Variants in ROBO2 observed in about 807,000 individuals in gnomAD.
ROBO2 encodes the protein roundabout homolog 2.
A neutral mutation model predicts 160.8 loss-of-function variants in ROBO2; 53 were observed. The observed-to-expected ratio is 0.33, with a 90% CI of 0.26 to 0.41. The LOEUF is 0.41. ROBO2 is among the 10% of genes least tolerant of loss of function. The probability of loss-of-function intolerance (pLI) is 1.00; values close to 1 mark genes in which losing one functional copy is unlikely to be tolerated. For missense variants in ROBO2, 1,577 were observed against 1,722.4 expected (o/e 0.92, Z 1.49); for synonymous variants, 664 against 611.7 (o/e 1.09, Z -1.26).
At chr3:76,084,708 A>C (rs2068950043) in intron 2 of ROBO2, among the ~76,000 whole-genome samples, 1 of 152,032 alleles carries the variant, frequency 6.6e-6, no homozygotes, top group Admixed American at 6.6e-5. Flanking sequence ...TGGATTTTTA[A>C]ATTATGGTGT....
At chr3:76,299,835 A>C (rs1317411381) in intron 2 of ROBO2, among the ~76,000 whole-genome samples, 2 of 152,130 alleles carry the variant, frequency 1.3e-5, no homozygotes, top group Non-Finnish European at 2.9e-5. Flanking sequence ...TGGGAGAAAA[A>C]GTGAGGATGT....
chr3:76,113,377 A>G (rs1251606525), intron 2 of ROBO2, among the ~76,000 whole-genome samples: 1 of 152,086 alleles, frequency 6.6e-6, no homozygotes, highest in Non-Finnish European at 1.5e-5. Flanking sequence ...AGCTGATTAT[A>G]CTGAGATTTT....
At chr3:76,111,800 G>A (rs1024362035) in intron 2 of ROBO2, among the ~76,000 whole-genome samples, 1 of 151,846 alleles carries the variant, frequency 6.6e-6, no homozygotes, top group African/African-American at 2.4e-5. Context: ...TGAGGGCAGC[G>A]ACTCTCTCTC....
At chr3:77,502,927 G>T (rs1262832555) in intron 5 of ROBO2, among the ~76,000 whole-genome samples, 2 of 152,098 alleles carry the variant, frequency 1.3e-5, no homozygotes, top group African/African-American at 4.8e-5. Context: ...CTAGAATGAT[G>T]AACTCTTCTA....
At chr3:76,759,596 T>C (rs184463143) in intron 2 of ROBO2, among the ~76,000 whole-genome samples, 2 of 151,790 alleles carry the variant, frequency 1.3e-5, no homozygotes, top group Non-Finnish European at 2.9e-5. Context: ...TGCAGAAACA[T>C]GAAAGGGATC....
At chr3:77,346,127 A>G (rs1466923823) in intron 2 of ROBO2, among the ~76,000 whole-genome samples, 2 of 152,140 alleles carry the variant, frequency 1.3e-5, no homozygotes, top group Non-Finnish European at 1.5e-5. Context: ...TGGCCCCATC[A>G]TTTAGGAGTA....
At chr3:76,577,744 T>G (rs1010977347) in intron 2 of ROBO2, among the ~76,000 whole-genome samples, 1 of 152,164 alleles carries the variant, frequency 6.6e-6, no homozygotes, top group African/African-American at 2.4e-5. Flanking sequence ...CTAGCATTTA[T>G]TTGGGTAATC....
At chr3:76,760,356 A>AT (rs1295385039) in intron 2 of ROBO2, among the ~76,000 whole-genome samples, 10 of 151,686 alleles carry the variant, frequency 6.6e-5, no homozygotes, top group Non-Finnish European at 1.3e-4. Flanking sequence ...TTAGCCTCTG[A>AT]TTTTTTTAAT....
intron 2 of ROBO2, among the ~76,000 whole-genome samples, chr3:77,338,741 A>G (rs2066750917): frequency 6.6e-6 from 1 of 152,192 alleles, no homozygotes; most frequent in Admixed American, 6.5e-5. Context: ...ATATTTAGGT[A>G]TAGGTCAAGA....
intron 2 of ROBO2, among the ~76,000 whole-genome samples, chr3:77,410,321 A>G (rs1008583915): frequency 1.2e-4 from 19 of 152,096 alleles, no homozygotes; most frequent in Non-Finnish European, 2.2e-4. Flanking sequence ...TATTATTATT[A>G]TTGTTTCTAA....
At chr3:76,208,347 T>G (rs1212750776) in intron 2 of ROBO2, among the ~76,000 whole-genome samples, 3 of 152,200 alleles carry the variant, frequency 2.0e-5, no homozygotes, top group Non-Finnish European at 4.4e-5. Context: ...TAATCATCAT[T>G]TATTTGAAAT....
At chr3:76,999,189 T>C (rs116303094) in intron 2 of ROBO2, among the ~76,000 whole-genome samples, 1,648 of 152,034 alleles carry the variant, frequency 0.011, 28 homozygotes, top group African/African-American at 0.038. Flanking sequence ...GTAATGATCT[T>C]GAACACCTAT....
chr3:77,436,520 G>A (rs1294528234), intron 2 of ROBO2, among the ~76,000 whole-genome samples: 1 of 151,794 alleles, frequency 6.6e-6, no homozygotes, highest in African/African-American at 2.4e-5. Context: ...GTGTCAGCCT[G>A]TATCAACATT....
At chr3:76,130,131 T>G (rs1052829351) in intron 2 of ROBO2, among the ~76,000 whole-genome samples, 8 of 152,062 alleles carry the variant, frequency 5.3e-5, no homozygotes, top group Admixed American at 5.2e-4. Context: ...TCATATATAC[T>G]GGGTAATATA....
intron 5 of ROBO2, among the ~76,000 whole-genome samples, chr3:77,500,052 A>G (rs1324813830): frequency 6.6e-6 from 1 of 152,132 alleles, no homozygotes; most frequent in East Asian, 1.9e-4. Context: ...TTCTCCTGGT[A>G]TTGTGTGCCA....
chr3:76,302,565 A>G (rs537628422), intron 2 of ROBO2, among the ~76,000 whole-genome samples: 34 of 152,216 alleles, frequency 2.2e-4, no homozygotes, highest in African/African-American at 8.2e-4. Context: ...GATCCCATAT[A>G]TGACAGTGGT....
intron 2 of ROBO2, among the ~76,000 whole-genome samples, chr3:77,269,281 C>A (rs1305618918): frequency 6.6e-6 from 1 of 152,050 alleles, no homozygotes; most frequent in African/African-American, 2.4e-5. Flanking sequence ...AAAAAATATT[C>A]AAATATACAG....
intron 2 of ROBO2, among the ~76,000 whole-genome samples, chr3:76,447,213 C>T (rs531399302): frequency 2.6e-5 from 4 of 152,264 alleles, no homozygotes; most frequent in South Asian, 2.1e-4. Flanking sequence ...CAAACAACCC[C>T]ATCAAAAAGC....
At chr3:76,854,946 T>G (rs1428842776) in intron 2 of ROBO2, among the ~76,000 whole-genome samples, 1 of 152,106 alleles carries the variant, frequency 6.6e-6, no homozygotes, top group Non-Finnish European at 1.5e-5. Flanking sequence ...TAATCAAATA[T>G]TCAATGTGTA....
Sources: allele counts gnomAD v4.1 joint callset (sites outside exome capture counted in the v4.1 genomes callset), GRCh38; gene constraint gnomAD v4.1.1; transcripts MANE v1.5; gene names NCBI Gene and HGNC (gene_info 2026-07-23, HGNC 2026-07-21).